FAM135A: variants seen among roughly 807,000 people sequenced by gnomAD.
FAM135A encodes family with sequence similarity 135 member A.
In FAM135A, 79 loss-of-function variants were observed where a neutral mutation model predicts 146.8. The observed-to-expected ratio is 0.54, with a 90% CI of 0.45 to 0.65. The LOEUF (loss-of-function observed/expected upper bound fraction) is 0.65. FAM135A is among the 30% of genes least tolerant of loss of function. The pLI is 0.00. For missense variants in FAM135A, 1,623 were observed against 1,758.2 expected, an observed-to-expected ratio of 0.92 and a Z score of 1.38; for synonymous variants, 562 against 603.6, an observed-to-expected ratio of 0.93 and a Z score of 1.01.
chr6:70,436,352 G>C (rs1315858141), intron 4 of FAM135A, among the ~76,000 whole-genome samples: 1 of 152,094 alleles, frequency 6.6e-6, no homozygotes, highest in Admixed American at 6.6e-5. Context: ...GAAGTTAATT[G>C]GTTTCTCAGT....
Position 70,428,229 on chromosome 6 carries a change from G to A in FAM135A, c.-39-75G>A, listed in dbSNP as rs1770655089. ...GCCTATGTGTCATATTCTAAAATATGTATAAATAATAGCATTTTTATAAGT... is the reference window on the plus strand; with the variant it reads ...GCCTATGTGTCATATTCTAAAATATATATAAATAATAGCATTTTTATAAGT... On this transcript the variant is annotated intron_variant, in intron 3 of 21. Transcript: ENST00000418814. 8 of 649,572 alleles carry A rather than the reference G, an allele frequency of 1.2e-5. No homozygotes were observed. The East Asian group carries it at 2.1e-4, about 17-fold the overall frequency. 40.2% of individuals were successfully genotyped at this position (649,572 alleles called of 1,614,324 possible).
At chr6:70,487,997 T>C (rs1370155746) in intron 10 of FAM135A, among the ~76,000 whole-genome samples, 1 of 152,152 alleles carries the variant, frequency 6.6e-6, no homozygotes, top group East Asian at 1.9e-4. Flanking sequence ...AGCTGTGTTA[T>C]AAATATTTGT....
chr6:70,527,530 C>G (rs182689392), intron 15 of FAM135A, among the ~76,000 whole-genome samples: 7 of 152,190 alleles, frequency 4.6e-5, no homozygotes, highest in Admixed American at 1.3e-4. Context: ...CTGGTTACTT[C>G]AGATTGTCTG....
chr6:70,491,115 G>A, intron 11 of FAM135A, 32 bp downstream of exon 11: 1 of 1,517,468 alleles, frequency 6.6e-7, no homozygotes, highest in East Asian at 2.3e-5. Flanking sequence ...ACATCATCAA[G>A]TTATTTGAGT....
intron 11 of FAM135A, among the ~76,000 whole-genome samples, chr6:70,501,445 C>A (rs1582588148): frequency 2.0e-5 from 3 of 152,198 alleles, no homozygotes; most frequent in Admixed American, 2.0e-4. Flanking sequence ...GGGAGAGGGA[C>A]CCGCTGAGAG....
At chr6:70,424,370 C>T (rs901189542) in intron 2 of FAM135A, among the ~76,000 whole-genome samples, 1 of 152,218 alleles carries the variant, frequency 6.6e-6, no homozygotes, top group African/African-American at 2.4e-5. Flanking sequence ...TCTCTCCATT[C>T]AGTTCTCTGT....
At chr6:70,452,999 CA>C (rs1777468139) in intron 5 of FAM135A, among the ~76,000 whole-genome samples, 3 of 151,820 alleles carry the variant, frequency 2.0e-5, no homozygotes, top group African/African-American at 7.2e-5. Flanking sequence ...GAAACAGAGC[CA>C]AAAGGCAATG....
At chr6:70,526,847 A>G (rs1794853852) in intron 15 of FAM135A, 149 bp downstream of exon 15, 1 of 775,212 alleles carries the variant, frequency 1.3e-6, no homozygotes, top group Non-Finnish European at 1.9e-6. Context: ...TTGAGTGTCT[A>G]TTTTGTTGTC....
At chr6:70,485,892 G>A (rs968561649) in intron 10 of FAM135A, among the ~76,000 whole-genome samples, 1 of 152,166 alleles carries the variant, frequency 6.6e-6, no homozygotes, top group African/African-American at 2.4e-5. Context: ...TGTAACAGCA[G>A]GGAGTTAACT....
chr6:70,490,438 A>T (rs1330649990), intron 10 of FAM135A, among the ~76,000 whole-genome samples: 1 of 152,082 alleles, frequency 6.6e-6, no homozygotes. Flanking sequence ...CTCTTTATAG[A>T]TTATTATAGC....
intron 5 of FAM135A, among the ~76,000 whole-genome samples, chr6:70,457,149 T>C (rs998686826): frequency 2.0e-5 from 3 of 152,354 alleles, no homozygotes; most frequent in Admixed American, 6.5e-5. Context: ...TGTGTTTTCA[T>C]AGCATGTCAC....
chr6:70,435,952 A>G lies in FAM135A; in HGVS notation c.77+7533A>G, dbSNP rs1773018900. Among the ~76,000 whole-genome samples the G allele has an allele frequency of 2.6e-5, 4 of 152,226 alleles. No individual in the cohort carries two copies. In the South Asian group the frequency reaches 6.2e-4, roughly 24 times the overall value. On this transcript the variant is annotated intron_variant, in intron 4 of 21. Transcript: ENST00000418814. ...TGATCCCAGCACTTTGGGAGGCCGAAGCAGGCTGATCACCTGAGGTCAGGA... is the reference window on the plus strand; with the variant it reads ...TGATCCCAGCACTTTGGGAGGCCGAGGCAGGCTGATCACCTGAGGTCAGGA...
chr6:70,477,089 C>T, intron 7 of FAM135A, 70 bp from the exon 8 acceptor site: 1 of 1,398,098 alleles, frequency 7.2e-7, no homozygotes, highest in Non-Finnish European at 9.5e-7. Context: ...TTTATAGTTT[C>T]AACTACTTTA....
chr6:70,537,992 G>T (rs547263969), intron 19 of FAM135A, among the ~76,000 whole-genome samples: 15 of 152,196 alleles, frequency 9.9e-5, no homozygotes, highest in African/African-American at 3.4e-4. Flanking sequence ...CAAATATATT[G>T]AAAGGTATAA....
intron 18 of FAM135A, among the ~76,000 whole-genome samples, chr6:70,534,499 T>C (rs1796449750): frequency 6.6e-6 from 1 of 151,556 alleles, no homozygotes; most frequent in Non-Finnish European, 1.5e-5. Flanking sequence ...TTTGTAGAGA[T>C]GGGGGTTTCA....
intron 8 of FAM135A, among the ~76,000 whole-genome samples, chr6:70,478,980 G>A (rs1330751554): frequency 1.3e-5 from 2 of 151,896 alleles, no homozygotes; most frequent in Non-Finnish European, 2.9e-5. Context: ...ATATGATTTT[G>A]TGTTTGGTTT....
chr6:70,420,060 C>A (rs1286651981), intron 2 of FAM135A, among the ~76,000 whole-genome samples: 1 of 152,182 alleles, frequency 6.6e-6, no homozygotes, highest in East Asian at 1.9e-4. Context: ...GGCTTTGAAC[C>A]AATTTGTTTC....
intron 20 of FAM135A, among the ~76,000 whole-genome samples, chr6:70,549,847 G>C (rs1486886331): frequency 1.3e-5 from 2 of 152,138 alleles, no homozygotes; most frequent in Non-Finnish European, 2.9e-5. Flanking sequence ...TATTTTACCT[G>C]TAGTAGAACT....
At chr6:70,536,911 A>G (rs1482979745) in intron 19 of FAM135A, among the ~76,000 whole-genome samples, 1 of 151,378 alleles carries the variant, frequency 6.6e-6, no homozygotes, top group Non-Finnish European at 1.5e-5. Context: ...TTATATTCTC[A>G]TCAACAAATA....
Sources: gnomAD v4.1 joint callset for allele counts (sites outside exome capture counted in the v4.1 genomes callset) on GRCh38, gnomAD v4.1.1 for gene constraint, MANE v1.5 for transcripts, NCBI Gene and HGNC (gene_info 2026-07-23, HGNC 2026-07-21) for gene names.